Variants in VCP observed in about 807,000 individuals in gnomAD.
VCP encodes the protein transitional endoplasmic reticulum ATPase.
VCP carries 6 observed loss-of-function variants against 85.7 expected under a neutral mutation model. The observed-to-expected ratio is 0.07, with a 90% CI of 0.04 to 0.14. The LOEUF (loss-of-function observed/expected upper bound fraction) is 0.14. VCP is among the 10% of genes least tolerant of loss of function. VCP has a pLI of 1.00. For missense variants in VCP, 353 were observed against 1,043.4 expected, an observed-to-expected ratio of 0.34 and a Z score of 9.12; for synonymous variants, 384 against 367.1, an observed-to-expected ratio of 1.05 and a Z score of -0.53.
intron 15 of VCP, among the ~76,000 whole-genome samples, chr9:35,058,339 TG>T (rs1312502534): frequency 6.6e-6 from 1 of 152,160 alleles, no homozygotes; most frequent in Non-Finnish European, 1.5e-5. Context: ...CAAGACATAG[TG>T]GAAAACAAGT....
chr9:35,064,094 T>C, intron 6 of VCP, 60 bp downstream of exon 6: 4 of 1,611,146 alleles, frequency 2.5e-6, no homozygotes, highest in East Asian at 4.5e-5. Context: ...GATTAGACAT[T>C]GGGACAGGAT....
At chr9:35,057,884 TATAG>T in intron 15 of VCP, 1 of 375,050 alleles carries the variant, frequency 2.7e-6, no homozygotes, top group African/African-American at 2.1e-5. Context: ...GGAAATGGTA[TATAG>T]AAAGAGTGAA....
intron 1 of VCP, chr9:35,071,940 C>T (rs1828957371): frequency 9.6e-7 from 1 of 1,046,766 alleles, no homozygotes; most frequent in South Asian, 3.1e-5. Flanking sequence ...CTCCGGGGAC[C>T]AAAGGCTTTC....
chr9:35,057,586 T>A, intron 15 of VCP, 56 bp from the exon 16 acceptor site: 1 of 1,595,866 alleles, frequency 6.3e-7, no homozygotes, highest in Non-Finnish European at 8.5e-7. Context: ...CTGGATTTCA[T>A]CCCAGGCCTC....
chr9:35,058,972 C>T, intron 15 of VCP, 92 bp downstream of exon 15: 8 of 1,562,618 alleles, frequency 5.1e-6, no homozygotes, highest in Non-Finnish European at 5.2e-6. Context: ...GATGATCTTT[C>T]CAACAGCTTC....
chr9:35,066,168 T>C (rs993067367), intron 4 of VCP, among the ~76,000 whole-genome samples: 1 of 151,174 alleles, frequency 6.6e-6, no homozygotes, highest in African/African-American at 2.4e-5. Flanking sequence ...TGATGGCTCA[T>C]GCCTGTAATC....
rs915168495 is a variant in VCP, at chr9:35,064,018, A to G, written c.708+136T>C. ...ATGAATTTAGAGCCTTAGGTAAACT[A>G]AAGGATACGTTATTGCCCCTCTAAT... is the stretch of plus-strand genomic sequence containing the variant. On this transcript the variant is annotated intron_variant, in intron 6 of 16. Coordinates refer to ENST00000358901, the MANE Select transcript of VCP (RefSeq NM_007126.5). The G allele has an allele frequency of 7.8e-6, 11 of 1,414,804 alleles. No homozygotes were observed. In the East Asian group the frequency reaches 2.3e-4, roughly 29 times the overall value. The allele number at this position is 1,414,804 out of a possible 1,614,324, so 87.6% of individuals were successfully genotyped here.
rs1047380350 is a variant in VCP at position 35,072,611 on chromosome 9, C to A, written c.-258G>T. 5 of 473,712 alleles carry A rather than the reference C, an allele frequency of 1.1e-5. No homozygotes were observed. Among genetic ancestry groups the A allele is most frequent in the Non-Finnish European group, 1.8e-5 (5 of 271,412 alleles). 29.3% of individuals were successfully genotyped at this position (473,712 alleles called of 1,614,324 possible). On this transcript the variant is annotated 5_prime_UTR_variant, in exon 1 of 17. Coordinates refer to ENST00000358901, the MANE Select transcript of VCP (RefSeq NM_007126.5). Reference sequence around the variant, plus strand: ...CGACGACTCAAACGACGGTCGCAGACGCTTCGCTGAGACTGAGCCGAGAAG... The same window carrying A: ...CGACGACTCAAACGACGGTCGCAGAAGCTTCGCTGAGACTGAGCCGAGAAG...
At chr9:35,072,180 C>G (rs1305397007) in intron 1 of VCP, 157 bp downstream of exon 1, 3 of 1,415,988 alleles carry the variant, frequency 2.1e-6, no homozygotes, top group East Asian at 3.1e-5. Context: ...CCGGGCCTGC[C>G]GGGTCCACGG....
chr9:35,072,217 T>C, intron 1 of VCP, 120 bp downstream of exon 1: 1 of 1,449,374 alleles, frequency 6.9e-7, no homozygotes, highest in African/African-American at 1.5e-5. Context: ...TAGCTTCCCT[T>C]CCCTCTTTCC....
chr9:35,056,928 T>C lies in VCP; in HGVS notation c.*189A>G. 1 of 634,764 alleles carries C rather than the reference T, an allele frequency of 1.6e-6. No homozygotes were observed. The highest frequency in any genetic ancestry group is 2.9e-5 in the East Asian group (1 of 34,766). The allele number at this position is 634,764 out of a possible 1,614,324, so 39.3% of individuals were successfully genotyped here. On this transcript the variant is annotated 3_prime_UTR_variant, in exon 17 of 17. Transcript: ENST00000358901. Reference sequence around the variant, plus strand: ...CCTACCAAATGAAAATCGCTTTTATTTTATCGCTTTTGTTTTGTATTTTTG... The same window carrying C: ...CCTACCAAATGAAAATCGCTTTTATCTTATCGCTTTTGTTTTGTATTTTTG...
intron 6 of VCP, 71 bp from the exon 7 acceptor site, chr9:35,063,151 C>A: frequency 2.2e-6 from 3 of 1,372,856 alleles, no homozygotes; most frequent in Non-Finnish European, 3.1e-6. Context: ...GACTAGCGCT[C>A]CAGAGAGGGT....
intron 3 of VCP, 143 bp downstream of exon 3, chr9:35,067,748 A>T (rs1281888089): frequency 3.6e-6 from 4 of 1,101,544 alleles, no homozygotes; most frequent in Non-Finnish European, 4.0e-6. Flanking sequence ...ACAACCCTGA[A>T]GCATAAGTCT....
Position 35,056,674 on chromosome 9 carries a change from C to T in VCP, c.*443G>A. The T allele has an allele frequency of 4.7e-6, 1 of 213,544 alleles. No individual in the cohort carries two copies. Among genetic ancestry groups the T allele is most frequent in the Non-Finnish European group, 9.7e-6 (1 of 103,592 alleles). The allele number at this position is 213,544 out of a possible 1,614,324, so 13.2% of individuals were successfully genotyped here. ...CTCAAAAGCATGTAAAATAAATCAA[C>T]CTACTCTCTATATAAACATCCAGCA... On this transcript the variant is annotated 3_prime_UTR_variant, in exon 17 of 17. Coordinates refer to ENST00000358901, the MANE Select transcript of VCP (RefSeq NM_007126.5).
At chr9:35,070,735 C>T (rs1203811038) in intron 1 of VCP, among the ~76,000 whole-genome samples, 11 of 152,160 alleles carry the variant, frequency 7.2e-5, no homozygotes, top group Non-Finnish European at 1.6e-4. Flanking sequence ...TGTGCCCGGT[C>T]AATAGTTTGT....
rs1421965764 is a variant in VCP, at chr9:35,056,983, T to A, written c.*134A>T. On this transcript the variant is annotated 3_prime_UTR_variant, in exon 17 of 17. Transcript: ENST00000358901. ...AGAAACCCCCTGTCCAGAGTCAGAC[T>A]GTAGCTGAACTGTTCAGACTGGAGA... 11 of 868,470 alleles carry A rather than the reference T, an allele frequency of 1.3e-5. No individual in the cohort carries two copies. The highest frequency in any genetic ancestry group is 1.9e-5 in the Non-Finnish European group (10 of 521,854). The allele number at this position is 868,470 out of a possible 1,614,324, so 53.8% of individuals were successfully genotyped here. A position where few individuals can be genotyped will look rare whatever the true frequency, so the allele number is the denominator to read the frequency against.
In VCP at chr9:35,056,521, G is replaced by T. The variant is rs55745923; in HGVS notation, c.*596C>A. ...TGGGAGTGGTGGGTAGCCCAAGGCT[G>T]TTCCCAGGAAAAGAAGCAGGCACAG... On this transcript the variant is annotated 3_prime_UTR_variant, in exon 17 of 17. Coordinates refer to ENST00000358901, the MANE Select transcript of VCP (RefSeq NM_007126.5). 1 of 161,818 alleles carries T rather than the reference G, an allele frequency of 6.2e-6. No individual in the cohort carries two copies. Among genetic ancestry groups the T allele is most frequent in the Non-Finnish European group, 1.4e-5 (1 of 73,082 alleles). The allele number at this position is 161,818 out of a possible 1,614,324, so 10.0% of individuals were successfully genotyped here.
chr9:35,059,916 T>C lies in VCP; in HGVS notation c.1696-115A>G, dbSNP rs140669606. 270 of 1,372,314 alleles carry C rather than the reference T, an allele frequency of 2.0e-4. No individual in the cohort carries two copies. In the African/African-American group the frequency reaches 3.6e-3, roughly 18 times the overall value. 85.0% of individuals were successfully genotyped at this position (1,372,314 alleles called of 1,614,324 possible). On this transcript the variant is annotated intron_variant, in intron 13 of 16. Transcript: ENST00000358901. This position sits in a 1 kb window ranked among gnomAD's most constrained non-coding sequence, Gnocchi z 4.9. ...GGGAGGCCAAGGTGGGAGGATCACT[T>C]GAGGCCAGAAATCCGAAACCAGCAT...
At position 35,062,280 on chromosome 9, in the gene VCP, C is replaced by T. The variant is rs1435284102; in HGVS notation, c.882G>A (p.Glu294=). ...SNLRKAFEEA[E]KNAPAIIFID... is the part of the protein sequence containing the mutation. The stretch of plus-strand genomic sequence containing the variant: ...TGAAGATGATGGCAGGAGCATTCTT[C>T]TCAGCCTCCTCAAAGGCTTTACGAA... The change falls in exon 8 of 17, where the codon GAG becomes GAA. Residue 294 remains glutamate, a synonymous_variant. Transcript: ENST00000358901. The T allele has an allele frequency of 2.5e-6, 4 of 1,614,100 alleles. No homozygotes were observed. Among genetic ancestry groups the T allele is most frequent in the Non-Finnish European group, 3.4e-6 (4 of 1,180,056 alleles).
Sources: gnomAD v4.1 joint callset for allele counts (sites outside exome capture counted in the v4.1 genomes callset) on GRCh38, gnomAD v4.1.1 for gene constraint, Gnocchi (gnomAD v3.1) non-coding constraint, MANE v1.5 for transcripts, NCBI Gene and HGNC (gene_info 2026-07-23, HGNC 2026-07-21) for gene names.